INPP4B: variants seen among roughly 807,000 people sequenced by gnomAD.
INPP4B encodes the protein inositol polyphosphate-4-phosphatase type II B.
INPP4B carries 55 observed loss-of-function variants against 122.5 expected under a neutral mutation model. The observed-to-expected ratio is 0.45, with a 90% CI of 0.36 to 0.56. INPP4B has a LOEUF of 0.56. Ranked by LOEUF, INPP4B falls within the 20% of genes least tolerant of loss-of-function variation. The pLI is 0.00. For synonymous variants in INPP4B, 403 were observed against 388.7 expected, an observed-to-expected ratio of 1.04 and a Z score of -0.43; for missense variants, 1,000 against 1,097.7, an observed-to-expected ratio of 0.91 and a Z score of 1.26.
chr4:142,146,080 A>C (rs1243010372), intron 17 of INPP4B, 84 bp from the exon 18 acceptor site: 1 of 1,460,276 alleles, frequency 6.8e-7, no homozygotes, highest in Non-Finnish European at 9.4e-7. Flanking sequence ...TTAGAGAAGC[A>C]TTTGGAAGGG....
intron 2 of INPP4B, among the ~76,000 whole-genome samples, chr4:142,662,501 A>G (rs763403075): frequency 2.0e-5 from 3 of 152,110 alleles, no homozygotes; most frequent in Non-Finnish European, 4.4e-5. Flanking sequence ...TGGCTGCACA[A>G]TTAGAGATAC....
chr4:142,579,834 TA>T (rs1406622680), intron 2 of INPP4B, among the ~76,000 whole-genome samples: 54 of 150,118 alleles, frequency 3.6e-4, no homozygotes, highest in Admixed American at 3.4e-3. Context: ...TTCCTTATAA[TA>T]AATTAGATAG....
chr4:142,121,171 A>T (rs536451625), intron 21 of INPP4B, among the ~76,000 whole-genome samples: 12 of 152,220 alleles, frequency 7.9e-5, no homozygotes, highest in Middle Eastern at 3.4e-3. Context: ...TTTCTCCCAA[A>T]TGAATGGCAA....
At chr4:142,414,458 T>G (rs1235993912) in intron 5 of INPP4B, among the ~76,000 whole-genome samples, 1 of 152,148 alleles carries the variant, frequency 6.6e-6, no homozygotes, top group African/African-American at 2.4e-5. Context: ...GGAACAATGG[T>G]GCTCTTGGGA....
chr4:142,032,019 G>T (rs1312985955), intron 25 of INPP4B, among the ~76,000 whole-genome samples: 1 of 152,120 alleles, frequency 6.6e-6, no homozygotes, highest in African/African-American at 2.4e-5. Flanking sequence ...GTGTGAGACA[G>T]AGACAGAGAG....
intron 22 of INPP4B, among the ~76,000 whole-genome samples, chr4:142,110,433 G>T (rs187924708): frequency 1.3e-5 from 2 of 152,226 alleles, no homozygotes; most frequent in East Asian, 3.9e-4. Context: ...ATTTATCTAA[G>T]AATGGTCATA....
chr4:142,804,056 CATAAATAA>C (rs369611706), intron 1 of INPP4B, among the ~76,000 whole-genome samples: 4,007 of 141,700 alleles, frequency 0.028, 71 homozygotes, highest in Non-Finnish European at 0.034. Context: ...GAGACTCCAT[CATAAATAA>C]ATAAATAAAT....
chr4:142,045,227 G>T (rs751249100), intron 25 of INPP4B, among the ~76,000 whole-genome samples: 1 of 152,050 alleles, frequency 6.6e-6, no homozygotes, highest in Non-Finnish European at 1.5e-5. Flanking sequence ...TCTTCACATG[G>T]TAATTTGGTT....
At chr4:142,081,921 TA>T in intron 25 of INPP4B, 109 bp downstream of exon 25, 1 of 696,566 alleles carries the variant, frequency 1.4e-6, no homozygotes, top group Non-Finnish European at 2.2e-6. Flanking sequence ...GAAAATGCAG[TA>T]AAGTTCTAAA....
At chr4:142,529,318 T>C (rs1275176100) in intron 2 of INPP4B, among the ~76,000 whole-genome samples, 3 of 152,090 alleles carry the variant, frequency 2.0e-5, no homozygotes, top group Admixed American at 6.6e-5. Flanking sequence ...CAGAAAATGA[T>C]ATTAAAATAC....
At chr4:142,349,801 T>C (rs1561907723) in intron 7 of INPP4B, among the ~76,000 whole-genome samples, 1 of 151,900 alleles carries the variant, frequency 6.6e-6, no homozygotes, top group Admixed American at 6.6e-5. Flanking sequence ...ATGAGCTTAT[T>C]TGTCAGCTAT....
chr4:142,290,795 C>A (rs1370660451), intron 9 of INPP4B, among the ~76,000 whole-genome samples: 4 of 152,072 alleles, frequency 2.6e-5, no homozygotes, highest in Non-Finnish European at 5.9e-5. Flanking sequence ...TATGTATGAC[C>A]AAAGACAGCT....
At chr4:142,255,017 T>C (rs184720789) in intron 11 of INPP4B, among the ~76,000 whole-genome samples, 2 of 152,078 alleles carry the variant, frequency 1.3e-5, no homozygotes, top group Admixed American at 6.5e-5. Context: ...CGGCAGAAAC[T>C]CTACAAGCCA....
At chr4:142,208,686 T>A (rs1046903906) in intron 13 of INPP4B, among the ~76,000 whole-genome samples, 157 bp from the exon 14 acceptor site, 1 of 152,146 alleles carries the variant, frequency 6.6e-6, no homozygotes, top group Non-Finnish European at 1.5e-5. Flanking sequence ...TCAATATTTT[T>A]AAAAATTGTC....
In INPP4B at chr4:142,108,193, A is replaced by T; in HGVS notation, c.2277-3T>A. ...CTTGCAAAGAGACATCTCCAAACCTACAAACAGAAAAAAGAAAACAGCTGT... is the reference window on the plus strand; with the variant it reads ...CTTGCAAAGAGACATCTCCAAACCTTCAAACAGAAAAAAGAAAACAGCTGT... On this transcript the variant is annotated splice_polypyrimidine_tract_variant and splice_region_variant and intron_variant, in intron 22 of 25. Transcript: ENST00000262992. The T allele has an allele frequency of 6.4e-7, 1 of 1,554,058 alleles. No homozygotes were observed. The highest frequency in any genetic ancestry group is 1.4e-5 in the African/African-American group (1 of 73,650).
intron 2 of INPP4B, among the ~76,000 whole-genome samples, chr4:142,604,124 A>C (rs2150310692): frequency 6.6e-6 from 1 of 152,260 alleles, no homozygotes; most frequent in Middle Eastern, 3.4e-3. Context: ...AAAGGGCAAA[A>C]ATCTTATGAT....
At chr4:142,311,853 G>T (rs1357470039) in intron 8 of INPP4B, among the ~76,000 whole-genome samples, 1 of 152,164 alleles carries the variant, frequency 6.6e-6, no homozygotes, top group Non-Finnish European at 1.5e-5. Context: ...AACCCAGAAT[G>T]TGCTACCTGG....
chr4:142,713,053 A>C (rs1763308062), intron 2 of INPP4B, among the ~76,000 whole-genome samples: 1 of 152,244 alleles, frequency 6.6e-6, no homozygotes, highest in Admixed American at 6.5e-5. Flanking sequence ...TTTCTCTCTT[A>C]AACAGCATTT....
intron 11 of INPP4B, among the ~76,000 whole-genome samples, chr4:142,253,687 C>A (rs1012656552): frequency 2.6e-4 from 39 of 152,358 alleles, no homozygotes; most frequent in Admixed American, 3.9e-4. Flanking sequence ...TATCCCGCAC[C>A]TGGCTCGGAG....
Sources: allele counts gnomAD v4.1 joint callset (sites outside exome capture counted in the v4.1 genomes callset), GRCh38; gene constraint gnomAD v4.1.1; transcripts MANE v1.5; gene names NCBI Gene and HGNC (gene_info 2026-07-23, HGNC 2026-07-21).